Variants in ZFP28 observed in about 807,000 individuals in gnomAD.
ZFP28 encodes the protein zinc finger protein 28 homolog.
In ZFP28, 31 loss-of-function variants were observed where a neutral mutation model predicts 39.5. The observed-to-expected ratio is 0.79, with a 90% confidence interval of 0.59 to 1.06. The LOEUF is 1.06. ZFP28 is among the 50% of genes least tolerant of loss of function. The pLI, the probability that ZFP28 is intolerant of heterozygous loss-of-function variation, is 0.00. For synonymous variants in ZFP28, 400 were observed against 378.6 expected (o/e 1.06, Z -0.66); for missense variants, 925 against 1,048.4 (o/e 0.88, Z 1.63).
upstream of ZFP28, among the ~76,000 whole-genome samples, chr19:56,537,116 C>T (rs114466605): frequency 0.035 from 5,402 of 152,204 alleles, 228 homozygotes; most frequent in African/African-American, 0.12. Context: ...ATTAGATAAC[C>T]TCAAGGAGCA....
Position 56,555,388 on chromosome 19 carries a change from C to G in ZFP28, c.2603C>G (p.Pro868Arg). 6.2e-7 allele frequency: 1 copy of G among 1,604,872 alleles called. No homozygotes were observed. Among genetic ancestry groups the G allele is most frequent in the Non-Finnish European group, 8.5e-7 (1 of 1,175,398 alleles). ...TGGAATCCATCCTCCCTCCCATCAC[C>G]ATAGCCTCGAGACGTCATTTCTGTT... The part of the protein sequence containing the change: ...FLWNPSSLPS[P>R] The change falls in exon 8 of 8, where the codon CCA becomes CGA. Residue 868 changes from proline (P) to arginine (R), a missense_variant. Coordinates refer to ENST00000301318, the MANE Select transcript of ZFP28 (RefSeq NM_020828.2).
chr19:56,550,311 A>G lies in ZFP28; in HGVS notation c.802+130A>G. On this transcript the variant is annotated intron_variant, in intron 6 of 7. Transcript: ENST00000301318. Reference sequence around the variant, plus strand: ...GGCCTGAATTTTGTGGATTCCTAAGATAAGAATTTGGCATTTGTAGAGGTG... The same window carrying G: ...GGCCTGAATTTTGTGGATTCCTAAGGTAAGAATTTGGCATTTGTAGAGGTG... 3 of 1,023,546 alleles carry G rather than the reference A, an allele frequency of 2.9e-6. No individual in the cohort carries two copies. The South Asian group carries it at 4.9e-5, about 17-fold the overall frequency. The allele number at this position is 1,023,546 out of a possible 1,614,324, so 63.4% of individuals were successfully genotyped here.
At position 56,547,861 on chromosome 19, in the gene ZFP28, C is replaced by T. The variant is rs1339906938; in HGVS notation, c.482C>T (p.Pro161Leu). The change falls in exon 4 of 8, where the codon CCT becomes CTT. Residue 161 changes from proline to leucine, a missense_variant. Physicochemically the swap from Pro to Leu is moderately conservative, Grantham distance 98 (BLOSUM62 -3). This residue lies in a region of ZFP28 where 556 missense variants were observed against 542.9 expected (regional missense o/e 1.02). Transcript: ENST00000301318. The surrounding 1 kb of genome is among the most constrained non-coding windows in gnomAD (Gnocchi z 4.6). Reference protein sequence around the residue: ...VISSLEQGKEPWTVKRKMTRA... With the variant: ...VISSLEQGKELWTVKRKMTRA... ...TCCTCGTTGGAACAAGGAAAAGAGC[C>T]TTGGACAGTGAAGCGAAAGATGACA... 1.2e-6 allele frequency: 2 copies of T among 1,613,988 alleles called. No individual in the cohort carries two copies. Among genetic ancestry groups the T allele is most frequent in the African/African-American group, 2.7e-5 (2 of 74,884 alleles).
At chr19:56,538,832 CAGCGGGGAGGGGT>C (rs1402291876), upstream of ZFP28, 2 of 44,490 alleles carry the variant, frequency 4.5e-5, no homozygotes, top group African/African-American at 1.8e-4. Flanking sequence ...CGGGGCGGGG[CAGCGGGGAGGGGT>C]GGGGAGGGGC....
Position 56,554,730 on chromosome 19 carries a change from G to A in ZFP28, c.1945G>A (p.Val649Ile). 2 of 1,614,114 alleles carry A rather than the reference G, an allele frequency of 1.2e-6. No individual in the cohort carries two copies. The highest frequency in any genetic ancestry group is 1.1e-5 in the South Asian group (1 of 91,078). ...HTGEKPYECK[V>I]CSKAFTQKAH... ...TGGAGAGAAGCCCTATGAATGTAAGGTTTGTAGTAAAGCGTTCACCCAGAA... is the reference window on the plus strand; with the variant it reads ...TGGAGAGAAGCCCTATGAATGTAAGATTTGTAGTAAAGCGTTCACCCAGAA... Residue 649 changes from valine to isoleucine, a missense_variant, in exon 8 of 8, where the codon GTT becomes ATT. By Grantham distance (29) the Val-to-Ile change is conservative (BLOSUM62 3). Transcript: ENST00000301318. This position sits in a 1 kb window ranked among gnomAD's most constrained non-coding sequence, Gnocchi z 6.7.
chr19:56,543,286 T>C (rs1004349608), intron 2 of ZFP28, among the ~76,000 whole-genome samples: 4 of 149,062 alleles, frequency 2.7e-5, no homozygotes, highest in Non-Finnish European at 5.9e-5. Flanking sequence ...TGGTATTCTT[T>C]TAATGTCTCT....
chr19:56,541,027 C>G (rs920585269), intron 2 of ZFP28, among the ~76,000 whole-genome samples: 1 of 152,158 alleles, frequency 6.6e-6, no homozygotes. Context: ...TCTGTACAAC[C>G]TACCCACATG....
intron 7 of ZFP28, chr19:56,551,869 G>A (rs1600549761): frequency 2.0e-6 from 2 of 982,524 alleles, no homozygotes. Flanking sequence ...TGACTGCTAT[G>A]TATATAAGCA....
chr19:56,538,225 A>C (rs1345987868), upstream of ZFP28: 1 of 152,302 alleles, frequency 6.6e-6, no homozygotes, highest in Non-Finnish European at 1.5e-5. Context: ...AGCTCTCTAC[A>C]TCCCCCTTCC....
Position 56,550,052 on chromosome 19 carries a change from C to T in ZFP28, c.688-15C>T, listed in dbSNP as rs767736921. The T allele has an allele frequency of 8.1e-6, 13 of 1,597,700 alleles. No homozygotes were observed. The Admixed American group carries it at 2.3e-4, about 28-fold the overall frequency. On this transcript the variant is annotated splice_polypyrimidine_tract_variant and intron_variant, in intron 5 of 7. Transcript: ENST00000301318. ...AACATGGTTTGATTTAAAAAACGTG[C>T]TTTTACCATTGCAGGGCTTGGTGAC... is the stretch of plus-strand genomic sequence containing the variant.
In ZFP28 at chr19:56,554,665, G is replaced by C. The variant is rs781375660; in HGVS notation, c.1880G>C (p.Ser627Thr). The C allele has an allele frequency of 6.2e-7, 1 of 1,613,438 alleles. No homozygotes were observed. The highest frequency in any genetic ancestry group is 8.5e-7 in the Non-Finnish European group (1 of 1,179,490). ...TGTGCGGAGTGTGGAAAATCCTTCA[G>C]CATCAGTTCTCAGCTTGCCACTCAT... ...FECAECGKSF[S>T]ISSQLATHQR... The change falls in exon 8 of 8, where the codon AGC becomes ACC. Residue 627 changes from serine (S) to threonine (T), a missense_variant. Transcript: ENST00000301318. The surrounding 1 kb of genome is among the most constrained non-coding windows in gnomAD (Gnocchi z 6.7).
chr19:56,543,072 G>A (rs997970243), intron 2 of ZFP28, among the ~76,000 whole-genome samples: 1 of 151,758 alleles, frequency 6.6e-6, no homozygotes, highest in East Asian at 1.9e-4. Flanking sequence ...TAGAATTCAT[G>A]TTTTGAAAAA....
At chr19:56,548,845 A>G in intron 4 of ZFP28, 113 bp from the exon 5 acceptor site, 1 of 1,141,648 alleles carries the variant, frequency 8.8e-7, no homozygotes, top group South Asian at 1.8e-5. Context: ...TCTTCCATAA[A>G]AATAAATGAC....
intron 2 of ZFP28, among the ~76,000 whole-genome samples, chr19:56,541,254 C>T (rs2044192928): frequency 6.6e-6 from 1 of 152,204 alleles, no homozygotes. Flanking sequence ...GTCCGGAAGC[C>T]TTGTCATGAT....
chr19:56,551,610 T>C, intron 7 of ZFP28: 9 of 985,384 alleles, frequency 9.1e-6, no homozygotes, highest in Non-Finnish European at 1.1e-5. Flanking sequence ...GCTCTGAAAG[T>C]TTTTTTGTTT....
At chr19:56,537,146 C>T (rs562518227), upstream of ZFP28, among the ~76,000 whole-genome samples, 16 of 152,368 alleles carry the variant, frequency 1.1e-4, no homozygotes, top group Non-Finnish European at 1.9e-4. Context: ...GGAGTGATTG[C>T]CTTCAGCAAA....
In ZFP28 at chr19:56,555,278, T is replaced by C. The variant is rs753024710; in HGVS notation, c.2493T>C (p.His831=). 3.1e-6 allele frequency: 5 copies of C among 1,614,050 alleles called. No individual in the cohort carries two copies. The highest frequency in any genetic ancestry group is 2.7e-5 in the African/African-American group (2 of 74,920). The change falls in exon 8 of 8, where the codon CAT becomes CAC. Residue 831 remains histidine (H), a synonymous_variant. Transcript: ENST00000301318. ...VFRQTAHLAH[H]QRIHTGESST... ...GGCAAACTGCTCACTTAGCTCATCA[T>C]CAGCGAATTCATACTGGAGAGTCGT...
chr19:56,554,334 C>T lies in ZFP28; in HGVS notation c.1549C>T (p.His517Tyr), dbSNP rs368174635. The T allele has an allele frequency of 1.7e-5, 27 of 1,613,782 alleles. No individual in the cohort carries two copies. The highest frequency in any genetic ancestry group is 2.0e-5 in the Non-Finnish European group (24 of 1,179,990). Reference protein sequence around the residue: ...CIDCGKAFSDHIGLNQHRRIH... With the variant: ...CIDCGKAFSDYIGLNQHRRIH... ...CGATTGTGGGAAAGCCTTCAGTGAC[C>T]ACATAGGGCTTAATCAACACAGGAG... is the stretch of plus-strand genomic sequence containing the variant. The change falls in exon 8 of 8, where the codon CAC becomes TAC. Residue 517 changes from histidine to tyrosine, a missense_variant. Transcript: ENST00000301318. The surrounding 1 kb of genome is among the most constrained non-coding windows in gnomAD (Gnocchi z 6.7).
chr19:56,550,474 C>A (rs767027522), intron 6 of ZFP28, 36 bp from the exon 7 acceptor site: 2 of 1,577,534 alleles, frequency 1.3e-6, no homozygotes, highest in East Asian at 2.2e-5. Context: ...GATGCCAAGA[C>A]TATTGGCCAA....
Sources: gnomAD v4.1 joint callset for allele counts (sites outside exome capture counted in the v4.1 genomes callset) on GRCh38, gnomAD v4.1.1 for gene constraint, gnomAD v4.1.1 regional missense constraint, Gnocchi (gnomAD v3.1) non-coding constraint, MANE v1.5 for transcripts, NCBI Gene and HGNC (gene_info 2026-07-23, HGNC 2026-07-21) for gene names.